Variants in GNL1 observed in about 807,000 individuals in gnomAD.
GNL1 encodes guanine nucleotide-binding protein-like 1.
Under a neutral mutation model 75.2 loss-of-function variants are expected in GNL1, and 21 were observed. The ratio of observed to expected loss-of-function variants is 0.28; its 90% CI spans 0.20 to 0.40. The LOEUF (loss-of-function observed/expected upper bound fraction) is 0.40, where lower values mean the gene tolerates loss of function less well. Ranked by LOEUF, GNL1 falls within the 10% of genes least tolerant of loss-of-function variation. The pLI, the probability that GNL1 is intolerant of heterozygous loss-of-function variation, is 1.00. For synonymous variants in GNL1, 287 were observed against 303.4 expected (o/e 0.95, Z 0.56); for missense variants, 579 against 775.0 (o/e 0.75, Z 3.00).
In GNL1 at chr6:30,555,637, C is replaced by T; in HGVS notation, c.157G>A (p.Gly53Arg). 6.2e-7 allele frequency: 1 copy of T among 1,614,076 alleles called. No homozygotes were observed. Among genetic ancestry groups the T allele is most frequent in the Non-Finnish European group, 8.5e-7 (1 of 1,179,982 alleles). ...RREEQTDTSD[G>R]ESVTHHIRRL... is the part of the protein sequence containing the mutation. ...CGGATATGATGGGTCACAGACTCCC[C>T]GTCCGAGGTGTCGGTCTGTTCCTCT... is the stretch of plus-strand genomic sequence containing the variant. Residue 53 changes from glycine (G) to arginine (R), a missense_variant, in exon 2 of 12, where the codon GGG becomes AGG. Physicochemically the swap from Gly to Arg is moderately radical, Grantham distance 125 (BLOSUM62 -2). Coordinates refer to ENST00000376621, the MANE Select transcript of GNL1 (RefSeq NM_005275.5). The surrounding 1 kb of genome is among the most constrained non-coding windows in gnomAD (Gnocchi z 4.3).
At position 30,546,575 on chromosome 6, in the gene GNL1, T is replaced by C. The variant is rs1425233898; in HGVS notation, c.1582+121A>G. 1.2e-6 allele frequency: 1 copy of C among 817,714 alleles called. No homozygotes were observed. The highest frequency in any genetic ancestry group is 1.7e-5 in the African/African-American group (1 of 58,326). 50.7% of individuals were successfully genotyped at this position (817,714 alleles called of 1,614,324 possible). On this transcript the variant is annotated intron_variant, in intron 11 of 11. Coordinates refer to ENST00000376621, the MANE Select transcript of GNL1 (RefSeq NM_005275.5). The surrounding 1 kb of genome is among the most constrained non-coding windows in gnomAD (Gnocchi z 5.1). ...CAGATCAGGAAAATATCACAGATGT[T>C]AAGTAACAGAGCTAGCCAACAGGTA... is the stretch of plus-strand genomic sequence containing the variant.
chr6:30,553,148 T>C lies in GNL1; in HGVS notation c.840A>G (p.Gly280=), dbSNP rs1229140075. 6.2e-7 allele frequency: 1 copy of C among 1,613,804 alleles called. No homozygotes were observed. The highest frequency in any genetic ancestry group is 8.5e-7 in the Non-Finnish European group (1 of 1,179,750). Residue 280 remains glycine, a synonymous_variant, in exon 7 of 12, where the codon GGA becomes GGG. Coordinates refer to ENST00000376621, the MANE Select transcript of GNL1 (RefSeq NM_005275.5). Reference sequence around the variant, plus strand: ...GCTCTGGCCCCAGGGCCCGAGTCCATCCTCTCCCCCGCCTCCGACTCTTCT... The same window carrying C: ...GCTCTGGCCCCAGGGCCCGAGTCCACCCTCTCCCCCGCCTCCGACTCTTCT... ...VLKKSRRRGR[G]WTRALGPEQL...
Position 30,543,862 on chromosome 6 carries a change from T to G in GNL1, c.*2210A>C, listed in dbSNP as rs1313391063. The G allele has an allele frequency of 6.6e-6, 1 of 152,138 alleles. No homozygotes were observed. Among genetic ancestry groups the G allele is most frequent in the Non-Finnish European group, 1.5e-5 (1 of 68,016 alleles). 9.4% of individuals were successfully genotyped at this position (152,138 alleles called of 1,614,324 possible). A position where few individuals can be genotyped will look rare whatever the true frequency, so the allele number is the denominator to read the frequency against. On this transcript the variant is annotated 3_prime_UTR_variant, in exon 12 of 12. Coordinates refer to ENST00000376621, the MANE Select transcript of GNL1 (RefSeq NM_005275.5). ...TTGGAAGTTGACATCTAAATGAAAT[T>G]CCAGCATGGATGAGAGAAGCCCTGA...
chr6:30,554,789 A>C lies in GNL1; in HGVS notation c.503T>G (p.Leu168Arg). ...KIHGAYSSEK[L>R]SYFEHNLETW... ...CTCCAGATTGTGCTCAAAGTAGCTG[A>C]GTTTCTCAGAGGAGTAAGCCCCATG... The change falls in exon 4 of 12, where the codon CTC becomes CGC. Residue 168 changes from leucine (L) to arginine (R), a missense_variant. Coordinates refer to ENST00000376621, the MANE Select transcript of GNL1 (RefSeq NM_005275.5). The C allele has an allele frequency of 6.2e-7, 1 of 1,612,918 alleles. No individual in the cohort carries two copies. Among genetic ancestry groups the C allele is most frequent in the Non-Finnish European group, 8.5e-7 (1 of 1,179,968 alleles).
At chr6:30,553,206 G>C in intron 6 of GNL1, 27 bp from the exon 7 acceptor site, 1 of 1,554,026 alleles carries the variant, frequency 6.4e-7, no homozygotes, top group Non-Finnish European at 8.9e-7. Context: ...CAAAAGGATG[G>C]GCACACGGGC....
In GNL1 at chr6:30,547,109, C is replaced by T. The variant is rs1409762401; in HGVS notation, c.1441+3G>A. 2.5e-6 allele frequency: 4 copies of T among 1,610,920 alleles called. No individual in the cohort carries two copies. Among genetic ancestry groups the T allele is most frequent in the African/African-American group, 1.3e-5 (1 of 74,974 alleles). On this transcript the variant is annotated splice_donor_region_variant and intron_variant, in intron 10 of 11. Coordinates refer to ENST00000376621, the MANE Select transcript of GNL1 (RefSeq NM_005275.5). The surrounding 1 kb of genome is among the most constrained non-coding windows in gnomAD (Gnocchi z 5.5). ...GGGGCGAAGCCAGGCACATGGAACT[C>T]ACCTTCACAGATGTCCCAGGCACAC...
chr6:30,555,408 G>A lies in GNL1; in HGVS notation c.239+147C>T, dbSNP rs1800085701. 3 of 973,924 alleles carry A rather than the reference G, an allele frequency of 3.1e-6. No individual in the cohort carries two copies. Among genetic ancestry groups the A allele is most frequent in the Admixed American group, 2.2e-5 (1 of 45,696 alleles). The allele number at this position is 973,924 out of a possible 1,614,324, so 60.3% of individuals were successfully genotyped here. On this transcript the variant is annotated intron_variant, in intron 2 of 11. Transcript: ENST00000376621. This position sits in a 1 kb window ranked among gnomAD's most constrained non-coding sequence, Gnocchi z 4.3. ...TCCAGCCCCTCTGGAAAGGAAGACT[G>A]TGGCCCGCTGTGGGGAGCCGAGTGG...
chr6:30,543,254 C>G lies in GNL1; in HGVS notation c.*2818G>C, dbSNP rs1799270727. ...TAATGCAGCTTCTAGCCCTGTCCCCCACTCCTTCCTGATCAGTATCCCAAT... is the reference window on the plus strand; with the variant it reads ...TAATGCAGCTTCTAGCCCTGTCCCCGACTCCTTCCTGATCAGTATCCCAAT... On this transcript the variant is annotated 3_prime_UTR_variant, in exon 12 of 12. Transcript: ENST00000376621. 6.6e-6 allele frequency: 1 copy of G among 152,210 alleles called. No individual in the cohort carries two copies. The highest frequency in any genetic ancestry group is 2.4e-5 in the African/African-American group (1 of 41,454). 9.4% of individuals were successfully genotyped at this position (152,210 alleles called of 1,614,324 possible).
chr6:30,553,723 G>C (rs935711561), intron 5 of GNL1, among the ~76,000 whole-genome samples, 166 bp from the exon 6 acceptor site: 1 of 152,114 alleles, frequency 6.6e-6, no homozygotes, highest in African/African-American at 2.4e-5. Flanking sequence ...ACAAAACAGG[G>C]GTTAGTAATA....
At position 30,554,818 on chromosome 6, in the gene GNL1, C is replaced by T. The variant is rs35399229; in HGVS notation, c.474G>A (p.Lys158=). ...EERSFQDYLG[K]IHGAYSSEKL... ...TCTCAGAGGAGTAAGCCCCATGAATCTTCCCAAGATAGTCTTGGAAGCTCC... is the reference window on the plus strand; with the variant it reads ...TCTCAGAGGAGTAAGCCCCATGAATTTTCCCAAGATAGTCTTGGAAGCTCC... The change falls in exon 4 of 12, where the codon AAG becomes AAA. Residue 158 remains lysine, a synonymous_variant. Coordinates refer to ENST00000376621, the MANE Select transcript of GNL1 (RefSeq NM_005275.5). 12,298 of 1,612,824 alleles carry T rather than the reference C, an allele frequency of 7.6e-3. 70 individuals are homozygous for T. The highest frequency in any genetic ancestry group is 0.028 in the Middle Eastern group (167 of 6,062).
Position 30,542,899 on chromosome 6 carries a change from C to G in GNL1, c.*3173G>C, listed in dbSNP as rs1263919567. ...AATCTTTAACACGGCTGAAAAGGCC[C>G]AGCAAGAGCTGGACCAAGCCCACCT... On this transcript the variant is annotated 3_prime_UTR_variant, in exon 12 of 12. Coordinates refer to ENST00000376621, the MANE Select transcript of GNL1 (RefSeq NM_005275.5). The surrounding 1 kb of genome is among the most constrained non-coding windows in gnomAD (Gnocchi z 4.5). The G allele has an allele frequency of 1.3e-5, 2 of 152,242 alleles. No individual in the cohort carries two copies. The highest frequency in any genetic ancestry group is 2.4e-5 in the African/African-American group (1 of 41,448). 9.4% of individuals were successfully genotyped at this position (152,242 alleles called of 1,614,324 possible).
Position 30,555,924 on chromosome 6 carries a change from T to A in GNL1, c.74-204A>T. On this transcript the variant is annotated intron_variant, in intron 1 of 11. Transcript: ENST00000376621. This position sits in a 1 kb window ranked among gnomAD's most constrained non-coding sequence, Gnocchi z 4.3. ...AGTGGGGACGGCGCCCCGTGCTAGC[T>A]GGAGGGATTCCCCTCCCCCAACTCT... is the stretch of plus-strand genomic sequence containing the variant. 1.3e-6 allele frequency: 1 copy of A among 798,624 alleles called. No homozygotes were observed. Among genetic ancestry groups the A allele is most frequent in the African/African-American group, 1.7e-5 (1 of 58,466 alleles). The allele number at this position is 798,624 out of a possible 1,614,324, so 49.5% of individuals were successfully genotyped here. A position where few individuals can be genotyped will look rare whatever the true frequency, so the allele number is the denominator to read the frequency against.
chr6:30,553,104 T>C lies in GNL1; in HGVS notation c.884A>G (p.Glu295Gly), dbSNP rs778213877. The change falls in exon 7 of 12, where the codon GAA becomes GGA. Residue 295 changes from glutamate to glycine, a missense_variant. By Grantham distance (98) the Glu-to-Gly change is moderately conservative. Coordinates refer to ENST00000376621, the MANE Select transcript of GNL1 (RefSeq NM_005275.5). ...LGPEQLLRAC[E>G]AITVGKVDLS... ...CATACCTTTCCCCACAGTGATGGCT[T>C]CACAGGCTCTCAGCAACTGCTCTGG... 1 of 1,613,040 alleles carries C rather than the reference T, an allele frequency of 6.2e-7. No homozygotes were observed. The highest frequency in any genetic ancestry group is 8.5e-7 in the Non-Finnish European group (1 of 1,179,032).
rs1800134092 is a variant in GNL1, at chr6:30,555,864, G to A, written c.74-144C>T. On this transcript the variant is annotated intron_variant, in intron 1 of 11. Coordinates refer to ENST00000376621, the MANE Select transcript of GNL1 (RefSeq NM_005275.5). This position sits in a 1 kb window ranked among gnomAD's most constrained non-coding sequence, Gnocchi z 4.3. Reference sequence around the variant, plus strand: ...CAGACACCCTATTTGGGACCCTCCCGGATGTGCGTGGGGGGAGTCACTCCT... The same window carrying A: ...CAGACACCCTATTTGGGACCCTCCCAGATGTGCGTGGGGGGAGTCACTCCT... 3 of 926,264 alleles carry A rather than the reference G, an allele frequency of 3.2e-6. No individual in the cohort carries two copies. Among genetic ancestry groups the A allele is most frequent in the Non-Finnish European group, 4.9e-6 (3 of 615,832 alleles). The allele number at this position is 926,264 out of a possible 1,614,324, so 57.4% of individuals were successfully genotyped here.
rs1228075277 is a variant in GNL1, at chr6:30,543,467, CTA to C, written c.*2603_*2604del. 2 of 152,118 alleles carry C rather than the reference CTA, an allele frequency of 1.3e-5. No homozygotes were observed. Among genetic ancestry groups the C allele is most frequent in the African/African-American group, 2.4e-5 (1 of 41,386 alleles). 9.4% of individuals were successfully genotyped at this position (152,118 alleles called of 1,614,324 possible). A position where few individuals can be genotyped will look rare whatever the true frequency, so the allele number is the denominator to read the frequency against. On this transcript the variant is annotated 3_prime_UTR_variant, in exon 12 of 12. Transcript: ENST00000376621. The stretch of plus-strand genomic sequence containing the variant: ...AGGTAGTAATTGCTCAACAAATGTT[CTA>C]TGAGTGAATGAATCCTTGGGATAAT...
Position 30,546,807 on chromosome 6 carries a change from C to T in GNL1, c.1471G>A (p.Ala491Thr). The stretch of plus-strand genomic sequence containing the variant: ...TACACATCATTCCGAGCCGCCTTGG[C>T]TGTCTTGTAACCACGTTTCTCTGCC... ...AWAEKRGYKT[A>T]KAARNDVYRA... The change falls in exon 11 of 12, where the codon GCC (alanine) becomes ACC (threonine). Residue 491 changes from alanine to threonine, a missense_variant. Physicochemically the swap from Ala to Thr is moderately conservative, Grantham distance 58. Transcript: ENST00000376621. This position sits in a 1 kb window ranked among gnomAD's most constrained non-coding sequence, Gnocchi z 5.1. The T allele has an allele frequency of 6.3e-7, 1 of 1,593,382 alleles. No individual in the cohort carries two copies. The highest frequency in any genetic ancestry group is 8.6e-7 in the Non-Finnish European group (1 of 1,164,924).
In GNL1 at chr6:30,545,116, C is replaced by T. The variant is rs973580880; in HGVS notation, c.*956G>A. 1.3e-5 allele frequency: 2 copies of T among 152,196 alleles called. No individual in the cohort carries two copies. Among genetic ancestry groups the T allele is most frequent in the Non-Finnish European group, 2.9e-5 (2 of 68,062 alleles). The allele number at this position is 152,196 out of a possible 1,614,324, so 9.4% of individuals were successfully genotyped here. Reference sequence around the variant, plus strand: ...TAGCTCAGACCCTGCACTGGATCATCTTTGTTCCACCCCCAAACCAGAGTA... The same window carrying T: ...TAGCTCAGACCCTGCACTGGATCATTTTTGTTCCACCCCCAAACCAGAGTA... On this transcript the variant is annotated 3_prime_UTR_variant, in exon 12 of 12. Transcript: ENST00000376621.
intron 6 of GNL1, 55 bp downstream of exon 6, chr6:30,553,293 CCT>C (rs76843858): frequency 0.2 from 298,128 of 1,502,668 alleles, 31,724 homozygotes; most frequent in East Asian, 0.29. Flanking sequence ...TCTGTTCTCC[CCT>C]TTGTCCCCTG....
Position 30,556,423 on chromosome 6 carries a change from G to C in GNL1, c.-220C>G, listed in dbSNP as rs1232622965. The C allele has an allele frequency of 1.0e-5, 6 of 599,288 alleles. No homozygotes were observed. The highest frequency in any genetic ancestry group is 9.0e-5 in the Admixed American group (3 of 33,334). The allele number at this position is 599,288 out of a possible 1,614,324, so 37.1% of individuals were successfully genotyped here. A position where few individuals can be genotyped will look rare whatever the true frequency, so the allele number is the denominator to read the frequency against. On this transcript the variant is annotated 5_prime_UTR_variant, in exon 1 of 12. In the 5' UTR this introduces an upstream ATG that the reference lacks. Transcript: ENST00000376621. This position sits in a 1 kb window ranked among gnomAD's most constrained non-coding sequence, Gnocchi z 5.7. ...CCCTCCAGGAGCGAGGCGAGAGGATGATGCGGGGTGGGCTACTGGCACGTG... is the reference window on the plus strand; with the variant it reads ...CCCTCCAGGAGCGAGGCGAGAGGATCATGCGGGGTGGGCTACTGGCACGTG...
Sources: allele counts gnomAD v4.1 joint callset (sites outside exome capture counted in the v4.1 genomes callset), GRCh38; gene constraint gnomAD v4.1.1; non-coding constraint Gnocchi (gnomAD v3.1); transcripts MANE v1.5; gene names NCBI Gene and HGNC (gene_info 2026-07-23, HGNC 2026-07-21).